Variants in TAF4B observed in about 807,000 individuals in gnomAD.
TAF4B encodes the protein transcription initiation factor TFIID subunit 4B.
Under a neutral mutation model 86.4 loss-of-function variants are expected in TAF4B, and 38 were observed. The ratio of observed to expected loss-of-function variants is 0.44; its 90% CI spans 0.34 to 0.58. The LOEUF (loss-of-function observed/expected upper bound fraction) is 0.58, where lower values mean the gene tolerates loss of function less well. Among genes scored for constraint, TAF4B ranks in the 20% least tolerant of loss-of-function variants. TAF4B has a pLI of 0.02. For synonymous variants in TAF4B, 388 were observed against 391.2 expected (o/e 0.99, Z 0.10); for missense variants, 988 against 1,027.6 (o/e 0.96, Z 0.53).
intron 9 of TAF4B, among the ~76,000 whole-genome samples, chr18:26,302,370 A>ATT (rs1933568904): frequency 3.9e-5 from 1 of 25,354 alleles, no homozygotes; most frequent in Non-Finnish European, 7.8e-5. Flanking sequence ...TTTCATATTA[A>ATT]ATTTTTTTTT....
At chr18:26,291,335 A>G (rs1290596481) in intron 7 of TAF4B, among the ~76,000 whole-genome samples, 1 of 152,020 alleles carries the variant, frequency 6.6e-6, no homozygotes, top group South Asian at 2.1e-4. Flanking sequence ...ATCTCAGCTC[A>G]CTGCAGCCTC....
Position 26,286,361 on chromosome 18 carries a change from G to GA in TAF4B, c.1455dup (p.Pro486ThrfsTer11). On this transcript the variant is annotated frameshift_variant, in exon 7 of 15. Coordinates refer to ENST00000269142, the MANE Select transcript of TAF4B (RefSeq NM_005640.3). LOFTEE classifies it high-confidence loss of function. ...GTGCAGCTATTTGTCTTCCATCTGT[G>GA]AAACCTGTTGTTTCTTCTGCTGGGA... The GA allele has an allele frequency of 6.2e-7, 1 of 1,614,198 alleles. No homozygotes were observed. The highest frequency in any genetic ancestry group is 8.5e-7 in the Non-Finnish European group (1 of 1,180,036).
At chr18:26,285,343 A>T (rs902362478) in intron 6 of TAF4B, among the ~76,000 whole-genome samples, 1 of 148,328 alleles carries the variant, frequency 6.7e-6, no homozygotes, top group Admixed American at 6.8e-5. Context: ...GTGTGCCACC[A>T]CGCCTGACTA....
chr18:26,307,719 A>G (rs2056809064), intron 9 of TAF4B, among the ~76,000 whole-genome samples: 1 of 152,174 alleles, frequency 6.6e-6, no homozygotes, highest in Non-Finnish European at 1.5e-5. Flanking sequence ...TACTCCATCA[A>G]TTTTAATGTC....
chr18:26,242,206 T>A (rs934785878), intron 1 of TAF4B, among the ~76,000 whole-genome samples: 9 of 152,158 alleles, frequency 5.9e-5, no homozygotes, highest in African/African-American at 1.7e-4. Flanking sequence ...CCCATTATTA[T>A]TGTGTGGGAT....
intron 6 of TAF4B, among the ~76,000 whole-genome samples, chr18:26,285,222 G>T (rs9675821): frequency 0.05 from 2,280 of 45,218 alleles, 65 homozygotes; most frequent in South Asian, 0.09. Flanking sequence ...TTTTTTTTTT[G>T]TTTTTTTTTT....
Position 26,230,772 on chromosome 18 carries a change from A to G in TAF4B, c.343+3496A>G, listed in dbSNP as rs1327914626. Among the ~76,000 whole-genome samples, 4 of 152,178 alleles carry G rather than the reference A, an allele frequency of 2.6e-5. No individual in the cohort carries two copies. In the South Asian group the frequency reaches 6.2e-4, roughly 24 times the overall value. On this transcript the variant is annotated intron_variant, in intron 1 of 14. Coordinates refer to ENST00000269142, the MANE Select transcript of TAF4B (RefSeq NM_005640.3). ...CCCTGCTTCTGTAATCAGGGACTCT[A>G]TGTCGCTATTATCTATCCTCAGGGC...
rs113913856 is a variant in TAF4B, at chr18:26,226,624, C to T, written c.-310C>T. On this transcript the variant is annotated 5_prime_UTR_variant, in exon 1 of 15. Coordinates refer to ENST00000269142, the MANE Select transcript of TAF4B (RefSeq NM_005640.3). ...GCCGCAAGTCCAGGCTCCCCCGCAG[C>T]GGGACCCGAGCCTGAGGCGCAGGGC... 21,393 of 264,356 alleles carry T rather than the reference C, an allele frequency of 0.081. 1,083 individuals are homozygous for T. The highest frequency in any genetic ancestry group is 0.1 in the Non-Finnish European group (14,230 of 140,784). The allele number at this position is 264,356 out of a possible 1,614,324, so 16.4% of individuals were successfully genotyped here. A position where few individuals can be genotyped will look rare whatever the true frequency, so the allele number is the denominator to read the frequency against.
At chr18:26,354,552 G>A (rs549557608) in intron 13 of TAF4B, among the ~76,000 whole-genome samples, 2 of 152,294 alleles carry the variant, frequency 1.3e-5, no homozygotes, top group South Asian at 4.2e-4. Context: ...GGAAGTTAAG[G>A]CCATCCTATG....
intron 11 of TAF4B, among the ~76,000 whole-genome samples, chr18:26,322,542 A>C (rs1350021329): frequency 1.3e-5 from 2 of 151,916 alleles, no homozygotes; most frequent in African/African-American, 2.4e-5. Flanking sequence ...GACTGTTAAT[A>C]ATACTGTCTT....
rs140012975 is a variant in TAF4B at position 26,368,982 on chromosome 18, A to G, written c.2421+11188A>G. Among the ~76,000 whole-genome samples, 195 of 152,328 alleles carry G rather than the reference A, an allele frequency of 1.3e-3. 5 individuals are homozygous for G. In the East Asian group the frequency reaches 0.025, roughly 20 times the overall value. ...ACAAAGAAGAAAGGAGAAAAATGGTAGTAAGGGTATTCAGTAGAATTTGAG... is the reference window on the plus strand; with the variant it reads ...ACAAAGAAGAAAGGAGAAAAATGGTGGTAAGGGTATTCAGTAGAATTTGAG... On this transcript the variant is annotated intron_variant, in intron 14 of 14. Transcript: ENST00000269142.
chr18:26,389,839 T>C lies in TAF4B; in HGVS notation c.2422-6T>C. 1 of 1,600,854 alleles carries C rather than the reference T, an allele frequency of 6.2e-7. No homozygotes were observed. The highest frequency in any genetic ancestry group is 8.5e-7 in the Non-Finnish European group (1 of 1,176,514). On this transcript the variant is annotated splice_region_variant and splice_polypyrimidine_tract_variant and intron_variant, in intron 14 of 14. Transcript: ENST00000269142. ...TTCAAATTGCTTTTCCTTTTATTAT[T>C]TTTAGGGCTTAAAAGACAACCTTCT...
intron 12 of TAF4B, among the ~76,000 whole-genome samples, chr18:26,331,430 A>G (rs981393135): frequency 2.6e-5 from 4 of 151,920 alleles, no homozygotes; most frequent in Non-Finnish European, 5.9e-5. Flanking sequence ...TTGTATCTCC[A>G]TTTCAGCCTG....
chr18:26,285,850 CA>C (rs1170596855), intron 6 of TAF4B, 31 bp from the exon 7 acceptor site: 2 of 1,575,124 alleles, frequency 1.3e-6, no homozygotes, highest in Non-Finnish European at 8.6e-7. Context: ...GATTTGTTAG[CA>C]GTGTTTTTTT....
intron 13 of TAF4B, among the ~76,000 whole-genome samples, chr18:26,343,087 T>A (rs1357534697): frequency 6.6e-6 from 1 of 152,152 alleles, no homozygotes. Flanking sequence ...GTAAACAGAT[T>A]GGGGAAGAAG....
chr18:26,376,464 AT>A (rs2057443714), intron 14 of TAF4B, among the ~76,000 whole-genome samples: 2 of 150,220 alleles, frequency 1.3e-5, no homozygotes, highest in South Asian at 4.2e-4. Context: ...TCTTAATTTT[AT>A]TTTTGGGTTG....
At chr18:26,251,055 T>C (rs1012477736) in intron 1 of TAF4B, among the ~76,000 whole-genome samples, 3 of 152,238 alleles carry the variant, frequency 2.0e-5, no homozygotes, top group East Asian at 1.9e-4. Flanking sequence ...ATTTGGCCTC[T>C]AGTGCCTGAG....
intron 10 of TAF4B, among the ~76,000 whole-genome samples, chr18:26,315,831 T>TA (rs1285654314): frequency 6.6e-6 from 1 of 152,200 alleles, no homozygotes; most frequent in African/African-American, 2.4e-5. Context: ...ATTCTTACTT[T>TA]AAAAAACTAG....
chr18:26,229,247 A>G (rs890187876), intron 1 of TAF4B, among the ~76,000 whole-genome samples: 2 of 152,144 alleles, frequency 1.3e-5, no homozygotes, highest in Non-Finnish European at 2.9e-5. Context: ...TACCTCTGAG[A>G]AACCCATACA....
Sources: allele counts gnomAD v4.1 joint callset (sites outside exome capture counted in the v4.1 genomes callset), GRCh38; gene constraint gnomAD v4.1.1; transcripts MANE v1.5; gene names NCBI Gene and HGNC (gene_info 2026-07-23, HGNC 2026-07-21).